The following SYT14 variants were observed in gnomAD, a reference collection of about 807,000 sequenced individuals.
SYT14 encodes the protein synaptotagmin 14.
In SYT14, 32 loss-of-function variants were observed where a neutral mutation model predicts 74.2. That is an observed-to-expected ratio of 0.43 (90% CI 0.33 to 0.58). SYT14 has a LOEUF of 0.58. Among genes scored for constraint, SYT14 ranks in the 20% least tolerant of loss-of-function variants. The pLI is 0.05. For missense variants in SYT14, 791 were observed against 981.8 expected (o/e 0.81, Z 2.60); for synonymous variants, 298 against 337.7 (o/e 0.88, Z 1.29).
At chr1:210,066,025 C>T (rs2081289601) in intron 5 of SYT14, among the ~76,000 whole-genome samples, 2 of 151,718 alleles carry the variant, frequency 1.3e-5, no homozygotes, top group Admixed American at 1.3e-4. Context: ...TGGTTTCCAG[C>T]TTCATCCATG....
At chr1:210,026,082 A>G (rs1171480764) in intron 5 of SYT14, among the ~76,000 whole-genome samples, 1 of 152,078 alleles carries the variant, frequency 6.6e-6, no homozygotes, top group Non-Finnish European at 1.5e-5. Flanking sequence ...AGGTGGCCAT[A>G]TTAATCTTCT....
intron 5 of SYT14, among the ~76,000 whole-genome samples, chr1:210,042,941 G>T (rs1407735753): frequency 6.6e-6 from 1 of 152,130 alleles, no homozygotes; most frequent in Non-Finnish European, 1.5e-5. Flanking sequence ...AATTACTTTG[G>T]GCAATATGGC....
chr1:210,085,193 T>A lies in SYT14; in HGVS notation c.1313-9129T>A, dbSNP rs545723433. Among the ~76,000 whole-genome samples the A allele has an allele frequency of 3.9e-4, 60 of 152,380 alleles. 1 individual carries two copies. The South Asian group carries it at 0.012, about 31-fold the overall frequency. ...GATTTTTAAAATTTTTGCTTTCTAA[T>A]TGATCGAGTGTAGAAATTCATTTTT... On this transcript the variant is annotated intron_variant, in intron 5 of 9. Transcript: ENST00000637265.
At chr1:210,046,235 A>G (rs2080882103) in intron 5 of SYT14, among the ~76,000 whole-genome samples, 1 of 152,240 alleles carries the variant, frequency 6.6e-6, no homozygotes, top group East Asian at 1.9e-4. Context: ...TTGGCTAGGC[A>G]TGGTAGCAGG....
Position 210,066,514 on chromosome 1 carries a change from A to G in SYT14, c.1313-27808A>G, listed in dbSNP as rs554497459. 8.5e-5 allele frequency among the ~76,000 whole-genome samples: 13 copies of G among 152,328 alleles called. No homozygotes were observed. In the South Asian group the frequency reaches 1.4e-3, roughly 17 times the overall value. ...ATTTTTTCATGTATCTGTTGGCTGCATAAATGTCTTCTTTTGAGAAGTGTC... is the reference window on the plus strand; with the variant it reads ...ATTTTTTCATGTATCTGTTGGCTGCGTAAATGTCTTCTTTTGAGAAGTGTC... On this transcript the variant is annotated intron_variant, in intron 5 of 9. Transcript: ENST00000637265.
intron 5 of SYT14, among the ~76,000 whole-genome samples, chr1:210,058,470 T>G (rs948559873): frequency 3.3e-5 from 5 of 151,742 alleles, no homozygotes; most frequent in Admixed American, 3.3e-4. Flanking sequence ...GAGGCAAGAG[T>G]TATAGGGCTA....
At chr1:209,956,429 G>A (rs978431159) in intron 2 of SYT14, among the ~76,000 whole-genome samples, 1 of 152,134 alleles carries the variant, frequency 6.6e-6, no homozygotes, top group Non-Finnish European at 1.5e-5. Context: ...TCAGCACATG[G>A]CTTTGGAGGT....
chr1:210,155,450 A>G (rs1184051463), intron 7 of SYT14, among the ~76,000 whole-genome samples: 2 of 152,246 alleles, frequency 1.3e-5, no homozygotes, highest in Non-Finnish European at 2.9e-5. Context: ...ATTAGCATCT[A>G]TAAGTTTAAG....
At chr1:210,140,932 G>A (rs2082901093) in intron 7 of SYT14, among the ~76,000 whole-genome samples, 1 of 151,556 alleles carries the variant, frequency 6.6e-6, no homozygotes, top group Non-Finnish European at 1.5e-5. Flanking sequence ...TGGGAAGTGT[G>A]AGTCCTCCAA....
chr1:210,158,994 A>T (rs112544329), intron 8 of SYT14, among the ~76,000 whole-genome samples: 1 of 152,234 alleles, frequency 6.6e-6, no homozygotes, highest in East Asian at 1.9e-4. Context: ...ATTAATTTGT[A>T]TATATTGGGA....
At chr1:210,136,904 G>A (rs1458347143) in intron 7 of SYT14, among the ~76,000 whole-genome samples, 9 of 151,550 alleles carry the variant, frequency 5.9e-5, no homozygotes, top group African/African-American at 1.2e-4. Context: ...TCAGAGAGAT[G>A]TTAGGGTACA....
intron 2 of SYT14, among the ~76,000 whole-genome samples, chr1:209,990,163 C>G (rs1022268618): frequency 6.6e-6 from 1 of 152,012 alleles, no homozygotes; most frequent in African/African-American, 2.4e-5. Flanking sequence ...AATTCATTTT[C>G]CCTCCACCTT....
chr1:210,145,230 G>A (rs760492299), intron 7 of SYT14, among the ~76,000 whole-genome samples: 1 of 152,124 alleles, frequency 6.6e-6, no homozygotes, highest in African/African-American at 2.4e-5. Context: ...TGTGCACAAA[G>A]CAAGTATTAT....
At chr1:210,114,259 T>G (rs943020959) in intron 7 of SYT14, among the ~76,000 whole-genome samples, 3 of 151,376 alleles carry the variant, frequency 2.0e-5, no homozygotes, top group Non-Finnish European at 4.4e-5. Flanking sequence ...AGTGGCCAGA[T>G]TTCCAGCACT....
intron 7 of SYT14, among the ~76,000 whole-genome samples, chr1:210,124,026 A>G (rs886872261): frequency 6.6e-6 from 1 of 152,192 alleles, no homozygotes; most frequent in Middle Eastern, 3.2e-3. Flanking sequence ...GGTCAGTACG[A>G]GGATTGGCAA....
chr1:209,998,782 C>CA (rs2079842833), intron 2 of SYT14, among the ~76,000 whole-genome samples: 1 of 151,936 alleles, frequency 6.6e-6, no homozygotes, highest in South Asian at 2.1e-4. Context: ...TCACCATATA[C>CA]AAAAATGAAC....
At chr1:210,100,288 A>G in exon 7 of SYT14, 1 of 1,614,152 alleles carries the variant, frequency 6.2e-7, no homozygotes, top group Non-Finnish European at 8.5e-7. Context: ...ATTTAAATTT[A>G]ATCATGTTGA....
chr1:210,110,806 G>A (rs7515629), intron 7 of SYT14, among the ~76,000 whole-genome samples: 16,602 of 152,136 alleles, frequency 0.11, 2,858 homozygotes, highest in African/African-American at 0.37. Context: ...GTGCAATGGC[G>A]CGATCTCAGC....
exon 10 of SYT14, chr1:210,169,196 C>A (rs1010196196): frequency 2.8e-4 from 20 of 71,260 alleles, no homozygotes; most frequent in African/African-American, 1.1e-3. Context: ...AGTTTGGGGG[C>A]TTTTTTGGTT....
Sources: gnomAD v4.1 joint callset for allele counts (sites outside exome capture counted in the v4.1 genomes callset) on GRCh38, gnomAD v4.1.1 for gene constraint, MANE v1.5 for transcripts, NCBI Gene and HGNC (gene_info 2026-07-23, HGNC 2026-07-21) for gene names.